Variants in NCALD observed in about 807,000 individuals in gnomAD.
NCALD encodes the protein neurocalcin-delta.
In NCALD, 10 loss-of-function variants were observed where a neutral mutation model predicts 18.6. That is an observed-to-expected ratio of 0.54 (90% CI 0.33 to 0.91). NCALD has a LOEUF of 0.91. Ranked by LOEUF, NCALD falls within the 40% of genes least tolerant of loss-of-function variation. NCALD has a pLI of 0.03. For missense variants in NCALD, 184 were observed against 247.6 expected (o/e 0.74, Z 1.72); for synonymous variants, 88 against 87.4 (o/e 1.01, Z -0.04).
intron 2 of NCALD, among the ~76,000 whole-genome samples, chr8:101,982,415 ATAACTATAAAC>A (rs1409672187): frequency 5.3e-5 from 8 of 152,254 alleles, no homozygotes; most frequent in Non-Finnish European, 1.0e-4. Flanking sequence ...AAAGCACTTT[ATAACTATAAAC>A]TAACTATAAA....
intron 4 of NCALD, among the ~76,000 whole-genome samples, chr8:101,829,658 GCACA>G (rs60177999): frequency 1.3e-5 from 2 of 151,192 alleles, no homozygotes; most frequent in Admixed American, 6.6e-5. Flanking sequence ...CCCATACGTG[GCACA>G]CACACACACA....
At chr8:101,732,469 T>A (rs1391389531) in intron 1 of NCALD, among the ~76,000 whole-genome samples, 1 of 152,168 alleles carries the variant, frequency 6.6e-6, no homozygotes, top group Non-Finnish European at 1.5e-5. Context: ...CACATGTGTT[T>A]AACATCTACA....
intron 3 of NCALD, among the ~76,000 whole-genome samples, chr8:101,896,022 T>G (rs1264971): frequency 0.27 from 40,344 of 150,252 alleles, 5,833 homozygotes; most frequent in African/African-American, 0.35. Context: ...TACTTTAAAG[T>G]TCATATGGAA....
chr8:101,689,665 C>T lies in NCALD; in HGVS notation c.485-259G>A, dbSNP rs1427322618. ...CCGCTGCCTGAGAGCCCACTGTGTG[C>T]CCGGCCCTGGGCCCGGGACTGGGGA... On this transcript the variant is annotated intron_variant, in intron 3 of 3. Transcript: ENST00000220931. This position sits in a 1 kb window ranked among gnomAD's most constrained non-coding sequence, Gnocchi z 4.4. 1.3e-5 allele frequency among the ~76,000 whole-genome samples: 2 copies of T among 152,234 alleles called. No homozygotes were observed. Among genetic ancestry groups the T allele is most frequent in the Non-Finnish European group, 2.9e-5 (2 of 68,036 alleles).
chr8:101,947,576 C>T (rs1374624909), intron 2 of NCALD, among the ~76,000 whole-genome samples: 1 of 152,102 alleles, frequency 6.6e-6, no homozygotes, highest in Non-Finnish European at 1.5e-5. Flanking sequence ...TCCCAGGATC[C>T]TCAGTTATTT....
At chr8:101,955,859 G>A (rs898794367) in intron 2 of NCALD, among the ~76,000 whole-genome samples, 1 of 151,988 alleles carries the variant, frequency 6.6e-6, no homozygotes, top group Non-Finnish European at 1.5e-5. Flanking sequence ...TCCTAATATT[G>A]ATCATGGTAA....
intron 1 of NCALD, among the ~76,000 whole-genome samples, chr8:102,034,940 T>C (rs1822807076): frequency 6.6e-6 from 1 of 152,212 alleles, no homozygotes; most frequent in African/African-American, 2.4e-5. Context: ...ATCTTGCAAA[T>C]CTGAAAGTCT....
intron 1 of NCALD, among the ~76,000 whole-genome samples, chr8:102,095,017 A>G (rs1825044037): frequency 6.6e-6 from 1 of 152,218 alleles, no homozygotes; most frequent in Non-Finnish European, 1.5e-5. Flanking sequence ...CTGTTGTTTT[A>G]TGCCACTCAA....
At chr8:101,874,451 G>T (rs2131422052) in intron 4 of NCALD, among the ~76,000 whole-genome samples, 1 of 152,282 alleles carries the variant, frequency 6.6e-6, no homozygotes, top group South Asian at 2.1e-4. Context: ...GCTGGGCTGT[G>T]ATGGCCTCTT....
At chr8:101,891,530 C>G (rs572742343) in intron 3 of NCALD, among the ~76,000 whole-genome samples, 1 of 152,204 alleles carries the variant, frequency 6.6e-6, no homozygotes, top group Non-Finnish European at 1.5e-5. Flanking sequence ...CAAATAGGAA[C>G]AGCTCCGGTC....
chr8:101,874,206 G>T (rs767732537), intron 4 of NCALD, among the ~76,000 whole-genome samples: 21 of 152,182 alleles, frequency 1.4e-4, no homozygotes, highest in Non-Finnish European at 2.9e-4. Context: ...AGGCCCGTTT[G>T]AGGACTTTCA....
intron 2 of NCALD, among the ~76,000 whole-genome samples, chr8:102,004,312 C>A (rs1206785441): frequency 2.0e-5 from 3 of 152,082 alleles, no homozygotes; most frequent in Admixed American, 6.5e-5. Flanking sequence ...CTTAGGAATC[C>A]AACTTACAAG....
Position 101,786,081 on chromosome 8 carries a change from T to G in NCALD, c.-20+4781A>C, listed in dbSNP as rs868464124. 3.7e-4 allele frequency: 56 copies of G among 152,408 alleles called. 1 individual carries two copies. The highest frequency in any genetic ancestry group is 1.3e-3 in the African/African-American group (53 of 41,564). 9.4% of individuals were successfully genotyped at this position (152,408 alleles called of 1,614,324 possible). A position where few individuals can be genotyped will look rare whatever the true frequency, so the allele number is the denominator to read the frequency against. The stretch of plus-strand genomic sequence containing the variant: ...TGGGAAAGAGAACCCCAGTTAATAG[T>G]ACATATAGGTCTCTGGGCAAGTTCT... On this transcript the variant is annotated intron_variant, in intron 1 of 3. Transcript: ENST00000220931.
intron 4 of NCALD, among the ~76,000 whole-genome samples, chr8:101,821,916 T>A (rs1813738674): frequency 6.6e-6 from 1 of 151,700 alleles, no homozygotes; most frequent in African/African-American, 2.4e-5. Flanking sequence ...AATGTAATTT[T>A]TTTCCAGCAT....
At chr8:101,996,016 T>A (rs1777836012) in intron 2 of NCALD, among the ~76,000 whole-genome samples, 1 of 152,244 alleles carries the variant, frequency 6.6e-6, no homozygotes, top group African/African-American at 2.4e-5. Context: ...AGCAAGGTAA[T>A]AAAGCTAAGT....
chr8:101,911,156 C>T (rs1563888625), intron 3 of NCALD, among the ~76,000 whole-genome samples: 1 of 152,060 alleles, frequency 6.6e-6, no homozygotes, highest in East Asian at 1.9e-4. Context: ...ATCCTGTTCT[C>T]ACAATGCTGA....
chr8:102,050,809 T>C lies in NCALD; in HGVS notation c.-209-30520A>G, dbSNP rs879775373. Reference sequence around the variant, plus strand: ...TTAACTAATTTTTAATTTAATTAATTTAATCATTTTTAATTTAATTAATTT... The same window carrying C: ...TTAACTAATTTTTAATTTAATTAATCTAATCATTTTTAATTTAATTAATTT... On this transcript the variant is annotated intron_variant, in intron 1 of 6. Coordinates refer to the NCALD transcript ENST00000311028. Among the ~76,000 whole-genome samples the C allele has an allele frequency of 2.0e-3, 260 of 132,710 alleles. 2 individuals carry two copies. The highest frequency in any genetic ancestry group is 0.015 in the Admixed American group (187 of 12,492). The allele number at this position is 132,710 out of a possible 152,430, so 87.1% of individuals were successfully genotyped here. A position where few individuals can be genotyped will look rare whatever the true frequency, so the allele number is the denominator to read the frequency against.
chr8:102,064,589 T>C (rs1380538619), intron 1 of NCALD, among the ~76,000 whole-genome samples: 1 of 152,226 alleles, frequency 6.6e-6, no homozygotes, highest in African/African-American at 2.4e-5. Flanking sequence ...CTTCTACAAG[T>C]GATGCAGGTC....
At chr8:101,732,042 GA>G (rs1474060179) in intron 1 of NCALD, among the ~76,000 whole-genome samples, 1 of 152,222 alleles carries the variant, frequency 6.6e-6, no homozygotes, top group Non-Finnish European at 1.5e-5. Flanking sequence ...TTGGGAGCCA[GA>G]TGCTGGACCA....
Sources: allele counts gnomAD v4.1 joint callset (sites outside exome capture counted in the v4.1 genomes callset), GRCh38; gene constraint gnomAD v4.1.1; non-coding constraint Gnocchi (gnomAD v3.1); transcripts MANE v1.5; gene names NCBI Gene and HGNC (gene_info 2026-07-23, HGNC 2026-07-21).